KCNN2: variants seen among roughly 807,000 people sequenced by gnomAD.
KCNN2 encodes the protein potassium calcium-activated channel subfamily N member 2.
A neutral mutation model predicts 55.5 loss-of-function variants in KCNN2; 24 were observed. That is an observed-to-expected ratio of 0.43 (90% confidence interval 0.31 to 0.61). The LOEUF (loss-of-function observed/expected upper bound fraction) is 0.61, where lower values mean the gene tolerates loss of function less well. Among genes scored for constraint, KCNN2 ranks in the 20% least tolerant of loss-of-function variants. The pLI is 0.08. For synonymous variants in KCNN2, 431 were observed against 336.1 expected (o/e 1.28, Z -3.09); for missense variants, 754 against 853.6 (o/e 0.88, Z 1.45).
At chr5:114,152,539 A>G (rs1351865539) in intron 1 of KCNN2, among the ~76,000 whole-genome samples, 2 of 152,188 alleles carry the variant, frequency 1.3e-5, no homozygotes, top group African/African-American at 4.8e-5. Flanking sequence ...ACTTAGCCCT[A>G]TGTTTTATTG....
chr5:114,143,505 C>T (rs1401476776), intron 1 of KCNN2, among the ~76,000 whole-genome samples: 2 of 152,104 alleles, frequency 1.3e-5, no homozygotes, highest in African/African-American at 4.8e-5. Flanking sequence ...AAAATGAGAG[C>T]GTTTATAGCC....
intron 6 of KCNN2, among the ~76,000 whole-genome samples, chr5:114,489,789 C>T (rs144605026): frequency 5.9e-5 from 9 of 152,240 alleles, no homozygotes; most frequent in African/African-American, 9.6e-5. Context: ...CTTCCATTGC[C>T]CACTGTGCAG....
At position 114,135,943 on chromosome 5, in the gene KCNN2, A is replaced by T. The variant is rs188903154; in HGVS notation, c.-271+79443A>T. 1.2e-3 allele frequency among the ~76,000 whole-genome samples: 177 copies of T among 152,308 alleles called. 1 individual carries two copies. Among genetic ancestry groups the T allele is most frequent in the African/African-American group, 3.8e-3 (160 of 41,574 alleles). On this transcript the variant is annotated intron_variant, in intron 1 of 10. Transcript: ENST00000512097. ...AGTTTAGGAATTCAGAGGTGGAAAGATACTGTCTGAAAAATAAGAGCTACA... is the reference window on the plus strand; with the variant it reads ...AGTTTAGGAATTCAGAGGTGGAAAGTTACTGTCTGAAAAATAAGAGCTACA...
chr5:114,341,943 C>G (rs1757024091), intron 2 of KCNN2, among the ~76,000 whole-genome samples: 1 of 151,486 alleles, frequency 6.6e-6, no homozygotes, highest in African/African-American at 2.4e-5. Context: ...GCTCTGTCAC[C>G]CAGGCTGTAG....
intron 1 of KCNN2, among the ~76,000 whole-genome samples, chr5:114,061,610 A>T (rs1750333040): frequency 6.6e-6 from 1 of 151,876 alleles, no homozygotes; most frequent in South Asian, 2.1e-4. Context: ...TGATTCTGTG[A>T]GTTCATTGCT....
chr5:114,242,662 A>G (rs1214402045), intron 2 of KCNN2, among the ~76,000 whole-genome samples: 1 of 152,190 alleles, frequency 6.6e-6, no homozygotes, highest in Non-Finnish European at 1.5e-5. Context: ...CAAGAAGGAC[A>G]GAAGGAAGGA....
chr5:114,344,709 G>A (rs1244753151), intron 2 of KCNN2, among the ~76,000 whole-genome samples: 2 of 152,216 alleles, frequency 1.3e-5, no homozygotes, highest in Non-Finnish European at 2.9e-5. Context: ...TATCACTTGG[G>A]AGAGTCTAAG....
intron 2 of KCNN2, among the ~76,000 whole-genome samples, chr5:114,366,950 A>G (rs1480331002): frequency 6.6e-6 from 1 of 152,204 alleles, no homozygotes; most frequent in Non-Finnish European, 1.5e-5. Flanking sequence ...TCAGATAGTA[A>G]AAGCTCGCCA....
At chr5:114,433,818 G>A (rs1421756180) in intron 3 of KCNN2, 1 of 153,760 alleles carries the variant, frequency 6.5e-6, no homozygotes, top group African/African-American at 2.4e-5. Context: ...CCGAACATCA[G>A]AAGGAACAAA....
intron 3 of KCNN2, among the ~76,000 whole-genome samples, chr5:114,439,396 A>G (rs535728307): frequency 5.6e-4 from 85 of 152,254 alleles, no homozygotes; most frequent in African/African-American, 1.9e-3. Context: ...TTTTGTAGCA[A>G]TGTGCACAGT....
intron 3 of KCNN2, among the ~76,000 whole-genome samples, chr5:114,409,882 TC>T (rs750273571): frequency 5.3e-5 from 8 of 152,162 alleles, no homozygotes; most frequent in Non-Finnish European, 7.4e-5. Flanking sequence ...TCTCTCTCTC[TC>T]TCTCTTTTTG....
At chr5:114,416,272 A>C (rs897486241) in intron 3 of KCNN2, among the ~76,000 whole-genome samples, 2 of 152,042 alleles carry the variant, frequency 1.3e-5, no homozygotes, top group African/African-American at 4.8e-5. Flanking sequence ...TTTCTCTCCT[A>C]GTTGAGGTAG....
In KCNN2 at chr5:114,362,993, A is replaced by T. The variant is rs545176839; in HGVS notation, c.854A>T (p.His285Leu). The T allele has an allele frequency of 6.3e-7, 1 of 1,594,014 alleles. No homozygotes were observed. Among genetic ancestry groups the T allele is most frequent in the East Asian group, 2.3e-5 (1 of 44,164 alleles). The change falls in exon 1 of 8, where the codon CAC becomes CTC. Residue 285 changes from histidine (H) to leucine (L), a missense_variant. His to Leu is a moderately conservative substitution (Grantham distance 99). Transcript: ENST00000673685. ...GAGATCGTGGTGTCTAAGCCCGAGC[A>T]CAACAACTCCAACAACCTGGCGCTC... ...APEIVVSKPE[H>L]NNSNNLALYG... is the part of the protein sequence containing the mutation.
chr5:114,152,812 T>C (rs1353807607), intron 1 of KCNN2, among the ~76,000 whole-genome samples: 3 of 151,922 alleles, frequency 2.0e-5, no homozygotes, highest in Non-Finnish European at 4.4e-5. Context: ...TGCCAGCATG[T>C]AAAAAGGCAT....
chr5:114,432,692 G>A (rs770480569), intron 3 of KCNN2, among the ~76,000 whole-genome samples: 1 of 152,184 alleles, frequency 6.6e-6, no homozygotes, highest in Non-Finnish European at 1.5e-5. Context: ...GGAGAGGCGC[G>A]AGCGGGAACC....
intron 5 of KCNN2, among the ~76,000 whole-genome samples, chr5:114,477,152 A>AT (rs61688956): frequency 0.31 from 46,597 of 151,976 alleles, 7,942 homozygotes; most frequent in East Asian, 0.66. Context: ...GAAAGAAATC[A>AT]TTTTTTCTGA....
At chr5:114,386,849 C>T (rs1188045737) in intron 2 of KCNN2, among the ~76,000 whole-genome samples, 1 of 152,202 alleles carries the variant, frequency 6.6e-6, no homozygotes, top group Non-Finnish European at 1.5e-5. Context: ...CATTTATCAA[C>T]AAGGTTGGTG....
chr5:114,266,449 A>G (rs943136563), intron 2 of KCNN2, among the ~76,000 whole-genome samples: 5 of 152,180 alleles, frequency 3.3e-5, no homozygotes, highest in Admixed American at 6.6e-5. Context: ...CTTTGTCAGG[A>G]CAAGCTGCTT....
At chr5:114,400,718 T>C (rs1758760599) in intron 2 of KCNN2, among the ~76,000 whole-genome samples, 1 of 152,234 alleles carries the variant, frequency 6.6e-6, no homozygotes, top group South Asian at 2.1e-4. Context: ...TAAGCTTTTA[T>C]GAAGCCCAGG....
Sources: gnomAD v4.1 joint callset for allele counts (sites outside exome capture counted in the v4.1 genomes callset) on GRCh38, gnomAD v4.1.1 for gene constraint, MANE v1.5 for transcripts, NCBI Gene and HGNC (gene_info 2026-07-23, HGNC 2026-07-21) for gene names.